Variants in MAP4K3 observed in about 807,000 individuals in gnomAD.
MAP4K3 encodes mitogen-activated protein kinase kinase kinase kinase 3, also known as MAPK/ERK kinase kinase kinase 3.
Under a neutral mutation model 143.5 loss-of-function variants are expected in MAP4K3, and 94 were observed. The observed-to-expected ratio is 0.65, with a 90% confidence interval of 0.55 to 0.78. The LOEUF is 0.78. Ranked by LOEUF, MAP4K3 falls within the 30% of genes least tolerant of loss-of-function variation. The pLI is 0.00. For missense variants in MAP4K3, 1,077 were observed against 1,068.1 expected, an observed-to-expected ratio of 1.01 and a Z score of -0.12; for synonymous variants, 416 against 347.2, an observed-to-expected ratio of 1.20 and a Z score of -2.20.
intron 13 of MAP4K3, among the ~76,000 whole-genome samples, chr2:39,311,371 G>A (rs1310588782): frequency 1.3e-5 from 2 of 152,134 alleles, no homozygotes; most frequent in African/African-American, 4.8e-5. Context: ...GAGCCACTGT[G>A]CCTGGCTGAG....
At chr2:39,336,270 C>A (rs552791126) in intron 6 of MAP4K3, among the ~76,000 whole-genome samples, 2 of 151,752 alleles carry the variant, frequency 1.3e-5, no homozygotes. Context: ...GTCAGGAGAT[C>A]GAGACCAGCC....
intron 1 of MAP4K3, among the ~76,000 whole-genome samples, chr2:39,416,004 T>TATATATAAAA (rs1206690314): frequency 5.3e-5 from 4 of 76,080 alleles, no homozygotes; most frequent in Non-Finnish European, 7.2e-5. Flanking sequence ...TATATATATA[T>TATATATAAAA]AAAAATAACA....
At chr2:39,289,919 T>C (rs1268167895) in intron 19 of MAP4K3, among the ~76,000 whole-genome samples, 31 of 152,110 alleles carry the variant, frequency 2.0e-4, no homozygotes, top group Admixed American at 2.0e-3. Flanking sequence ...ACCCAGTCTC[T>C]ACTAAAAAAT....
intron 13 of MAP4K3, among the ~76,000 whole-genome samples, chr2:39,309,999 T>C (rs1293906032): frequency 6.6e-6 from 1 of 152,176 alleles, no homozygotes; most frequent in Non-Finnish European, 1.5e-5. Context: ...CACTAATAAT[T>C]GTAAATATTC....
At position 39,287,734 on chromosome 2, in the gene MAP4K3, G is replaced by C. The variant is rs1221589923; in HGVS notation, c.1474+387C>G. ...TAATACCAATTATTTTTTTAGAAAT[G>C]ATTAAATGAAATAAGGAGTTAGGAC... is the stretch of plus-strand genomic sequence containing the variant. On this transcript the variant is annotated intron_variant, in intron 20 of 33. Coordinates refer to ENST00000263881, the MANE Select transcript of MAP4K3 (RefSeq NM_003618.4). 2.0e-5 allele frequency among the ~76,000 whole-genome samples: 3 copies of C among 152,110 alleles called. No individual in the cohort carries two copies. In the East Asian group the frequency reaches 5.8e-4, roughly 29 times the overall value.
At chr2:39,376,362 T>C (rs774962660) in intron 2 of MAP4K3, among the ~76,000 whole-genome samples, 15 of 152,218 alleles carry the variant, frequency 9.9e-5, no homozygotes, top group Non-Finnish European at 2.9e-5. Flanking sequence ...GGTGGCAGAA[T>C]ATGAATGATT....
chr2:39,395,730 A>G (rs1397210902), intron 1 of MAP4K3, among the ~76,000 whole-genome samples: 2 of 152,184 alleles, frequency 1.3e-5, no homozygotes, highest in Non-Finnish European at 2.9e-5. Context: ...TCTCACACTC[A>G]TTATTCAAAG....
chr2:39,325,717 G>T lies in MAP4K3; in HGVS notation c.807+13C>A. The T allele has an allele frequency of 6.3e-7, 1 of 1,588,700 alleles. No individual in the cohort carries two copies. Among genetic ancestry groups the T allele is most frequent in the Non-Finnish European group, 8.6e-7 (1 of 1,162,930 alleles). On this transcript the variant is annotated intron_variant, in intron 11 of 33. Transcript: ENST00000263881. ...TTGAAATATATATATATATTTCAGG[G>T]CAAAAATAATACCTGTAATAATTTT... is the stretch of plus-strand genomic sequence containing the variant.
At chr2:39,420,089 A>C (rs1667505196) in intron 1 of MAP4K3, among the ~76,000 whole-genome samples, 2 of 152,236 alleles carry the variant, frequency 1.3e-5, no homozygotes, top group Admixed American at 1.3e-4. Flanking sequence ...CTAGGGTCAG[A>C]GAGAGATTCT....
intron 1 of MAP4K3, among the ~76,000 whole-genome samples, chr2:39,410,810 A>G (rs930734064): frequency 1.3e-5 from 2 of 152,202 alleles, no homozygotes; most frequent in South Asian, 2.1e-4. Flanking sequence ...TAGCCATTTT[A>G]GCTATACAAA....
At chr2:39,310,188 T>C (rs1280047511) in intron 13 of MAP4K3, among the ~76,000 whole-genome samples, 2 of 152,240 alleles carry the variant, frequency 1.3e-5, no homozygotes, top group African/African-American at 2.4e-5. Flanking sequence ...TACTGAACAC[T>C]AGAATGTATT....
At chr2:39,426,245 A>T (rs1665075685) in intron 1 of MAP4K3, among the ~76,000 whole-genome samples, 1 of 152,190 alleles carries the variant, frequency 6.6e-6, no homozygotes, top group South Asian at 2.1e-4. Flanking sequence ...AATGATGCGT[A>T]CTACTCAAAA....
At chr2:39,416,882 C>A (rs1258301597) in intron 1 of MAP4K3, among the ~76,000 whole-genome samples, 2 of 152,202 alleles carry the variant, frequency 1.3e-5, no homozygotes, top group East Asian at 3.9e-4. Flanking sequence ...CATTTACTAG[C>A]TGTGGAGCCT....
chr2:39,356,218 T>C (rs1665606495), intron 3 of MAP4K3, 31 bp downstream of exon 3: 2 of 1,318,102 alleles, frequency 1.5e-6, no homozygotes, highest in Non-Finnish European at 2.1e-6. Context: ...GAAATCATTA[T>C]TGCTTTTCAA....
rs1360697689 is a variant in MAP4K3, at chr2:39,250,268, TCAA to T, written c.*347_*349del. The T allele has an allele frequency of 2.3e-5, 4 of 173,630 alleles. No homozygotes were observed. Among genetic ancestry groups the T allele is most frequent in the Non-Finnish European group, 4.9e-5 (4 of 82,282 alleles). The allele number at this position is 173,630 out of a possible 1,614,324, so 10.8% of individuals were successfully genotyped here. On this transcript the variant is annotated 3_prime_UTR_variant, in exon 34 of 34. Transcript: ENST00000263881. ...AATATTAACCCCAATTGCATTTTCA[TCAA>T]CATTTACATCTGTACAGATAAGACA...
rs1417129709 is a variant in MAP4K3 at position 39,326,236 on chromosome 2, T to C, written c.572A>G (p.Tyr191Cys). Residue 191 changes from tyrosine to cysteine, a missense_variant, in exon 9 of 34, where the codon TAC becomes TGC. This residue lies in a region of MAP4K3 where 213 missense variants were observed against 266.8 expected (regional missense o/e 0.80). Transcript: ENST00000263881. ...EVAAVERKGG[Y>C]NQLCDLWAVG... ...TGCCCAGAGATCACAGAGTTGATTGTAACCCCCCTTCCTCTCAACAGCTGC... is the reference window on the plus strand; with the variant it reads ...TGCCCAGAGATCACAGAGTTGATTGCAACCCCCCTTCCTCTCAACAGCTGC... 6.2e-7 allele frequency: 1 copy of C among 1,614,000 alleles called. No homozygotes were observed.
chr2:39,312,946 G>C (rs527878667), intron 13 of MAP4K3, among the ~76,000 whole-genome samples: 2 of 152,286 alleles, frequency 1.3e-5, no homozygotes, highest in South Asian at 4.1e-4. Context: ...CAACCCCTGA[G>C]TGCAAGGATG....
chr2:39,381,817 C>T (rs1027328509), intron 1 of MAP4K3, among the ~76,000 whole-genome samples: 9 of 152,180 alleles, frequency 5.9e-5, no homozygotes, highest in African/African-American at 1.9e-4. Flanking sequence ...GAGCCATCCA[C>T]GCTTTGTTCC....
chr2:39,397,596 C>G (rs1666843507), intron 1 of MAP4K3, among the ~76,000 whole-genome samples: 1 of 152,024 alleles, frequency 6.6e-6, no homozygotes, highest in South Asian at 2.1e-4. Context: ...TTTTTTTCCT[C>G]CAGGAACTAG....
Sources: gnomAD v4.1 joint callset for allele counts (sites outside exome capture counted in the v4.1 genomes callset) on GRCh38, gnomAD v4.1.1 for gene constraint, gnomAD v4.1.1 regional missense constraint, MANE v1.5 for transcripts, NCBI Gene and HGNC (gene_info 2026-07-23, HGNC 2026-07-21) for gene names.